The following THADA variants were observed in gnomAD, a reference collection of about 807,000 sequenced individuals.
The protein encoded by THADA is THADA armadillo repeat containing.
A neutral mutation model predicts 219.8 loss-of-function variants in THADA; 213 were observed. The observed-to-expected ratio is 0.97, with a 90% CI of 0.87 to 1.09. The LOEUF is 1.09. THADA is among the 50% of genes least tolerant of loss of function. The pLI, the probability that THADA is intolerant of heterozygous loss-of-function variation, is 0.00. For missense variants in THADA, 2,956 were observed against 2,311.3 expected (o/e 1.28, Z -5.72); for synonymous variants, 1,018 against 828.9 (o/e 1.23, Z -3.92).
chr2:43,526,990 C>G (rs564647267), intron 22 of THADA, among the ~76,000 whole-genome samples: 2 of 152,200 alleles, frequency 1.3e-5, no homozygotes, highest in African/African-American at 4.8e-5. Context: ...TCAACATCAG[C>G]AGTTTAATGT....
chr2:43,543,036 C>G (rs1307332373), intron 20 of THADA, among the ~76,000 whole-genome samples: 1 of 129,932 alleles, frequency 7.7e-6, no homozygotes, highest in East Asian at 2.5e-4. Context: ...CCCCCCACCC[C>G]ACAACAGTCC....
intron 33 of THADA, 72 bp downstream of exon 33, chr2:43,292,032 C>T: frequency 9.5e-7 from 1 of 1,054,726 alleles, no homozygotes; most frequent in Non-Finnish European, 1.4e-6. Flanking sequence ...GGATTGTGTG[C>T]AAGTTCATTA....
rs775669752 is a variant in THADA, at chr2:43,320,573, A to AT, written c.4344-34dup. ...GGTAAAGAACAGAATATAAATTGAG[A>AT]TTTTCTCTCCCTTAGGTCTGGGTCT... On this transcript the variant is annotated intron_variant, in intron 30 of 37. Coordinates refer to ENST00000405975, the MANE Select transcript of THADA (RefSeq NM_022065.5). 1.3e-5 allele frequency: 20 copies of AT among 1,546,600 alleles called. No individual in the cohort carries two copies. The East Asian group carries it at 1.8e-4, about 14-fold the overall frequency.
In THADA at chr2:43,230,851, T is replaced by G; in HGVS notation, c.*97A>C. ...CTCACAGAAGTAGGGGAGGCATGAA[T>G]GGGATAAAATTTTTGAATTTATGTT... On this transcript the variant is annotated 3_prime_UTR_variant, in exon 38 of 38. Coordinates refer to ENST00000405975, the MANE Select transcript of THADA (RefSeq NM_022065.5). The G allele has an allele frequency of 1.5e-6, 2 of 1,374,954 alleles. No homozygotes were observed. Among genetic ancestry groups the G allele is most frequent in the Non-Finnish European group, 2.0e-6 (2 of 1,021,948 alleles). The allele number at this position is 1,374,954 out of a possible 1,614,324, so 85.2% of individuals were successfully genotyped here.
intron 21 of THADA, among the ~76,000 whole-genome samples, chr2:43,537,665 A>C (rs1694780961): frequency 6.6e-6 from 1 of 152,152 alleles, no homozygotes; most frequent in African/African-American, 2.4e-5. Flanking sequence ...GTTACAACAG[A>C]ATCTAACATA....
intron 29 of THADA, among the ~76,000 whole-genome samples, chr2:43,377,068 C>T (rs1434991944): frequency 1.3e-5 from 2 of 152,184 alleles, no homozygotes; most frequent in African/African-American, 2.4e-5. Context: ...TTGGGCAGAA[C>T]ATAGCCCCGG....
intron 26 of THADA, among the ~76,000 whole-genome samples, chr2:43,474,548 G>A (rs1385100306): frequency 6.6e-6 from 1 of 152,116 alleles, no homozygotes; most frequent in East Asian, 1.9e-4. Context: ...CCTTGCAAAC[G>A]TCTGTGCTGA....
At chr2:43,450,525 G>C (rs938222240) in intron 26 of THADA, among the ~76,000 whole-genome samples, 1 of 151,666 alleles carries the variant, frequency 6.6e-6, no homozygotes, top group African/African-American at 2.4e-5. Flanking sequence ...AGGAAATGAT[G>C]AGGAAATTAA....
At chr2:43,425,129 C>A (rs984990946) in intron 28 of THADA, among the ~76,000 whole-genome samples, 2 of 152,152 alleles carry the variant, frequency 1.3e-5, no homozygotes, top group Non-Finnish European at 2.9e-5. Context: ...ACATCTAACA[C>A]CCTTGACAAG....
At chr2:43,545,287 T>C (rs1253682257) in intron 20 of THADA, among the ~76,000 whole-genome samples, 1 of 151,766 alleles carries the variant, frequency 6.6e-6, no homozygotes, top group Non-Finnish European at 1.5e-5. Context: ...AGTATTTTAT[T>C]GAGGATTTTT....
Position 43,551,554 on chromosome 2 carries a change from G to T in THADA, c.2947+235C>A, listed in dbSNP as rs551419655. Among the ~76,000 whole-genome samples, 8 of 150,912 alleles carry T rather than the reference G, an allele frequency of 5.3e-5. No homozygotes were observed. In the South Asian group the frequency reaches 1.0e-3, roughly 20 times the overall value. On this transcript the variant is annotated intron_variant, in intron 19 of 37. Transcript: ENST00000405975. ...TATTATATAACTCAAGTTACCCTGG[G>T]GTAGAAGGTACCGTGCTCATCCTCT... is the stretch of plus-strand genomic sequence containing the variant.
intron 36 of THADA, among the ~76,000 whole-genome samples, chr2:43,270,579 G>C (rs1672007002): frequency 1.3e-5 from 2 of 152,208 alleles, no homozygotes; most frequent in Admixed American, 1.3e-4. Flanking sequence ...GAGGATCTGA[G>C]AGTGCAAGGC....
intron 26 of THADA, among the ~76,000 whole-genome samples, chr2:43,448,560 C>CTTTTTTTTTTTTTT (rs71410179): frequency 6.8e-5 from 7 of 103,622 alleles, no homozygotes; most frequent in Non-Finnish European, 1.1e-4. Flanking sequence ...TTCTTCCTTT[C>CTTTTTTTTTTTTTT]TTTTTTTTTT....
At chr2:43,268,518 A>G (rs2104252101) in intron 36 of THADA, among the ~76,000 whole-genome samples, 1 of 152,352 alleles carries the variant, frequency 6.6e-6, no homozygotes, top group South Asian at 2.1e-4. Context: ...AAAATAGAGC[A>G]GCAAAAACAA....
intron 21 of THADA, among the ~76,000 whole-genome samples, chr2:43,532,005 C>T (rs1200209593): frequency 6.6e-6 from 1 of 150,972 alleles, no homozygotes; most frequent in Non-Finnish European, 1.5e-5. Flanking sequence ...TTTTTTAATC[C>T]TCTTTAAAAT....
At chr2:43,289,479 C>T (rs1674433463) in intron 34 of THADA, among the ~76,000 whole-genome samples, 1 of 152,152 alleles carries the variant, frequency 6.6e-6, no homozygotes, top group Non-Finnish European at 1.5e-5. Flanking sequence ...TATTTCTCTC[C>T]AGTTCTGTTA....
Position 43,482,371 on chromosome 2 carries a change from T to C in THADA, c.3836+2863A>G, listed in dbSNP as rs547550720. Among the ~76,000 whole-genome samples, 22 of 152,316 alleles carry C rather than the reference T, an allele frequency of 1.4e-4. No individual in the cohort carries two copies. The South Asian group carries it at 4.6e-3, about 32-fold the overall frequency. ...ATATATGAAACAGGAACTTCTTGTC[T>C]GTACTATGCGACAGGGACTGTTCTA... is the stretch of plus-strand genomic sequence containing the variant. On this transcript the variant is annotated intron_variant, in intron 26 of 37. Coordinates refer to ENST00000405975, the MANE Select transcript of THADA (RefSeq NM_022065.5).
chr2:43,592,088 G>C (rs1393543817), intron 2 of THADA, 42 bp from the exon 3 acceptor site: 5 of 1,452,356 alleles, frequency 3.4e-6, no homozygotes, highest in African/African-American at 1.4e-5. Flanking sequence ...TGATTTAACA[G>C]TGAGTTAACT....
intron 34 of THADA, among the ~76,000 whole-genome samples, chr2:43,290,759 T>C (rs1305881621): frequency 1.3e-5 from 2 of 151,908 alleles, no homozygotes; most frequent in African/African-American, 2.4e-5. Flanking sequence ...TTCAGGTAAT[T>C]TTCCTGTGGT....
Sources: gnomAD v4.1 joint callset for allele counts (sites outside exome capture counted in the v4.1 genomes callset) on GRCh38, gnomAD v4.1.1 for gene constraint, MANE v1.5 for transcripts, NCBI Gene and HGNC (gene_info 2026-07-23, HGNC 2026-07-21) for gene names.